The following ARHGAP20 variants were observed in gnomAD, a reference collection of about 807,000 sequenced individuals.
ARHGAP20 encodes the protein Rho GTPase activating protein 20, also known as rho GTPase-activating protein 20.
A neutral mutation model predicts 73.7 loss-of-function variants in ARHGAP20; 34 were observed. That is an observed-to-expected ratio of 0.46 (90% confidence interval 0.35 to 0.61). ARHGAP20 has a LOEUF of 0.61. Ranked by LOEUF, ARHGAP20 falls within the 20% of genes least tolerant of loss-of-function variation. ARHGAP20 has a pLI of 0.00. For synonymous variants in ARHGAP20, 523 were observed against 518.2 expected, an observed-to-expected ratio of 1.01 and a Z score of -0.13; for missense variants, 1,314 against 1,420.9, an observed-to-expected ratio of 0.92 and a Z score of 1.21.
Position 110,608,757 on chromosome 11 carries a change from C to T in ARHGAP20, c.775+227G>A, listed in dbSNP as rs570034733. ...TTGTTTGTCAAATGAAAAAGCAGAGCGAAAAGTTTATATTTCTCTTCCCAA... is the reference window on the plus strand; with the variant it reads ...TTGTTTGTCAAATGAAAAAGCAGAGTGAAAAGTTTATATTTCTCTTCCCAA... On this transcript the variant is annotated intron_variant, in intron 8 of 14. Coordinates refer to ENST00000683387, the MANE Select transcript of ARHGAP20 (RefSeq NM_001384657.1). Among the ~76,000 whole-genome samples the T allele has an allele frequency of 5.3e-5, 8 of 152,128 alleles. No individual in the cohort carries two copies. The East Asian group carries it at 7.7e-4, about 15-fold the overall frequency.
At chr11:110,699,705 T>C (rs561788803) in intron 1 of ARHGAP20, among the ~76,000 whole-genome samples, 51 of 152,122 alleles carry the variant, frequency 3.4e-4, no homozygotes, top group African/African-American at 1.2e-3. Flanking sequence ...GATATGAGGA[T>C]GGCTACTCCT....
chr11:110,624,255 G>A lies in ARHGAP20; in HGVS notation c.410C>T (p.Ala137Val), dbSNP rs1030211974. The A allele has an allele frequency of 6.2e-7, 1 of 1,611,168 alleles. No individual in the cohort carries two copies. The highest frequency in any genetic ancestry group is 8.5e-7 in the Non-Finnish European group (1 of 1,178,312). ...TTCTCCCACTTCATCCACACAGCTT[G>A]CTGTCCACATATCAGTTAATTTAAT... ...NKIKLTDMWT[A>V]SCVDEVGEGN... The change falls in exon 4 of 15, where the codon GCA (alanine) becomes GTA (valine). Residue 137 changes from alanine (A) to valine (V), a missense_variant. Ala to Val is a moderately conservative substitution (Grantham distance 64, BLOSUM62 0). Around this residue, in one of 3 missense-constraint regions of ARHGAP20, gnomAD observed 443 missense variants for 466.4 expected, o/e 0.95. Coordinates refer to ENST00000683387, the MANE Select transcript of ARHGAP20 (RefSeq NM_001384657.1).
intron 3 of ARHGAP20, among the ~76,000 whole-genome samples, chr11:110,624,603 T>G (rs1948697545): frequency 6.7e-6 from 1 of 150,256 alleles, no homozygotes; most frequent in Non-Finnish European, 1.5e-5. Context: ...GCAACAAACC[T>G]GCACATTCTG....
intron 1 of ARHGAP20, among the ~76,000 whole-genome samples, chr11:110,695,800 G>A (rs1470568463): frequency 6.6e-6 from 1 of 151,570 alleles, no homozygotes; most frequent in Non-Finnish European, 1.5e-5. Flanking sequence ...ATACGATCCT[G>A]CAATTCTACT....
At chr11:110,683,940 C>A (rs1302429260) in intron 2 of ARHGAP20, among the ~76,000 whole-genome samples, 1 of 152,090 alleles carries the variant, frequency 6.6e-6, no homozygotes, top group Non-Finnish European at 1.5e-5. Context: ...AATTAGCTCC[C>A]TTATAAAAGA....
At chr11:110,687,072 A>G (rs1225066958) in intron 2 of ARHGAP20, among the ~76,000 whole-genome samples, 1 of 124,974 alleles carries the variant, frequency 8.0e-6, no homozygotes, top group Non-Finnish European at 1.7e-5. Flanking sequence ...ACACACACAC[A>G]CACACATATA....
At chr11:110,639,169 A>G (rs1023129558) in intron 2 of ARHGAP20, among the ~76,000 whole-genome samples, 1 of 151,940 alleles carries the variant, frequency 6.6e-6, no homozygotes, top group African/African-American at 2.4e-5. Flanking sequence ...TTGTGGAACT[A>G]GTTTAGCTGC....
intron 6 of ARHGAP20, among the ~76,000 whole-genome samples, chr11:110,612,320 C>A (rs1438973967): frequency 6.6e-6 from 1 of 150,992 alleles, no homozygotes; most frequent in East Asian, 1.9e-4. Context: ...CCCAGCTACT[C>A]GGGAGGCTGA....
Position 110,619,440 on chromosome 11 carries a change from A to G in ARHGAP20, c.504-3846T>C, listed in dbSNP as rs141843151. Reference sequence around the variant, plus strand: ...ATGCAGTGGTAGAGTATATGCAGTGATAGAGTATATGTAGTGATAGTGTAT... The same window carrying G: ...ATGCAGTGGTAGAGTATATGCAGTGGTAGAGTATATGTAGTGATAGTGTAT... On this transcript the variant is annotated intron_variant, in intron 4 of 14. Coordinates refer to ENST00000683387, the MANE Select transcript of ARHGAP20 (RefSeq NM_001384657.1). 8.9e-3 allele frequency among the ~76,000 whole-genome samples: 1,349 copies of G among 151,792 alleles called. 22 individuals carry two copies. Among genetic ancestry groups the G allele is most frequent in the African/African-American group, 0.03 (1,230 of 41,388 alleles).
At chr11:110,704,485 G>A (rs1950516923) in intron 1 of ARHGAP20, among the ~76,000 whole-genome samples, 1 of 152,154 alleles carries the variant, frequency 6.6e-6, no homozygotes, top group South Asian at 2.1e-4. Context: ...CAGTGCTGAT[G>A]AGGTTATTTC....
At chr11:110,606,455 T>G in intron 9 of ARHGAP20, 106 bp downstream of exon 9, 1 of 1,226,634 alleles carries the variant, frequency 8.2e-7, no homozygotes, top group East Asian at 2.4e-5. Flanking sequence ...TTCAAAATAC[T>G]TAGCAAATTC....
intron 2 of ARHGAP20, among the ~76,000 whole-genome samples, chr11:110,636,715 G>A (rs1257361041): frequency 2.0e-5 from 3 of 151,698 alleles, no homozygotes; most frequent in South Asian, 2.1e-4. Flanking sequence ...TAATTTAAAC[G>A]GAAAAAATTT....
At chr11:110,688,999 G>GTT (rs745669809) in intron 2 of ARHGAP20, among the ~76,000 whole-genome samples, 23,229 of 137,442 alleles carry the variant, frequency 0.17, 2,040 homozygotes, top group South Asian at 0.3. Flanking sequence ...CTTTCATATA[G>GTT]TTTTTTTTTT....
At chr11:110,630,827 G>A (rs374716269) in intron 2 of ARHGAP20, 35 bp from the exon 3 acceptor site, 20 of 1,599,298 alleles carry the variant, frequency 1.3e-5, no homozygotes, top group Middle Eastern at 1.7e-4. Flanking sequence ...TCAGTCAAAC[G>A]ATCATCTTAT....
intron 1 of ARHGAP20, among the ~76,000 whole-genome samples, chr11:110,694,091 T>C (rs1377870757): frequency 6.6e-6 from 1 of 151,912 alleles, no homozygotes; most frequent in African/African-American, 2.4e-5. Context: ...ATGAGTTTGA[T>C]ATCGTATCAC....
chr11:110,577,607 C>CA lies in ARHGAP20; in HGVS notation c.*1762dup. 1 of 986,142 alleles carries CA rather than the reference C, an allele frequency of 1.0e-6. No homozygotes were observed. Among genetic ancestry groups the CA allele is most frequent in the Non-Finnish European group, 1.2e-6 (1 of 830,242 alleles). 61.1% of individuals were successfully genotyped at this position (986,142 alleles called of 1,614,324 possible). ...TCCCTGCTGACTTTATATATTATAC[C>CA]AAAAAAGATGCATATGGACACTTAG... On this transcript the variant is annotated 3_prime_UTR_variant, in exon 15 of 15. Transcript: ENST00000683387.
At chr11:110,627,909 T>C (rs1948779348) in intron 3 of ARHGAP20, among the ~76,000 whole-genome samples, 1 of 152,138 alleles carries the variant, frequency 6.6e-6, no homozygotes, top group Admixed American at 6.5e-5. Flanking sequence ...TCAAAAGTGG[T>C]CCCCAAGTAC....
At chr11:110,635,556 C>T (rs914437221) in intron 2 of ARHGAP20, among the ~76,000 whole-genome samples, 3 of 152,120 alleles carry the variant, frequency 2.0e-5, no homozygotes, top group Non-Finnish European at 4.4e-5. Context: ...GTTATTCCAT[C>T]ATTTCCTGTG....
intron 1 of ARHGAP20, among the ~76,000 whole-genome samples, chr11:110,702,097 G>T (rs1426333906): frequency 6.6e-6 from 1 of 151,852 alleles, no homozygotes. Context: ...AACTTTAAAA[G>T]ACCAATATCC....
Sources: gnomAD v4.1 joint callset for allele counts (sites outside exome capture counted in the v4.1 genomes callset) on GRCh38, gnomAD v4.1.1 for gene constraint, gnomAD v4.1.1 regional missense constraint, MANE v1.5 for transcripts, NCBI Gene and HGNC (gene_info 2026-07-23, HGNC 2026-07-21) for gene names.